Variants in C1QTNF7 observed in about 807,000 individuals in gnomAD.
C1QTNF7 encodes the protein complement C1q tumor necrosis factor-related protein 7.
A neutral mutation model predicts 19.6 loss-of-function variants in C1QTNF7; 15 were observed. The observed-to-expected ratio is 0.76, with a 90% confidence interval of 0.51 to 1.18. The LOEUF (loss-of-function observed/expected upper bound fraction) is 1.18. Ranked by LOEUF, C1QTNF7 falls within the 50% of genes most tolerant of loss-of-function variation. C1QTNF7 has a pLI of 0.00. For missense variants in C1QTNF7, 324 were observed against 359.7 expected (o/e 0.90, Z 0.80); for synonymous variants, 142 against 137.5 (o/e 1.03, Z -0.23).
chr4:15,341,040 T>C (rs1326602621), intron 1 of C1QTNF7, among the ~76,000 whole-genome samples: 1 of 152,234 alleles, frequency 6.6e-6, no homozygotes. Context: ...AGTGTTCCCA[T>C]CTGTCTGAGG....
intron 1 of C1QTNF7, among the ~76,000 whole-genome samples, chr4:15,410,045 T>C (rs1719349361): frequency 6.6e-6 from 1 of 152,326 alleles, no homozygotes; most frequent in Non-Finnish European, 1.5e-5. Context: ...AAACAGTTTC[T>C]ACATACCCCA....
At chr4:15,413,418 C>A (rs950603097) in intron 1 of C1QTNF7, among the ~76,000 whole-genome samples, 1 of 152,190 alleles carries the variant, frequency 6.6e-6, no homozygotes, top group Non-Finnish European at 1.5e-5. Context: ...GGGGAATAAA[C>A]CCAACCACTT....
intron 1 of C1QTNF7, among the ~76,000 whole-genome samples, chr4:15,364,777 G>C (rs1427065448): frequency 6.6e-6 from 1 of 152,110 alleles, no homozygotes; most frequent in Non-Finnish European, 1.5e-5. Flanking sequence ...TGCATCAGTG[G>C]GCAAGCACAT....
At chr4:15,359,752 T>C (rs1577233988) in intron 1 of C1QTNF7, among the ~76,000 whole-genome samples, 2 of 152,186 alleles carry the variant, frequency 1.3e-5, no homozygotes, top group African/African-American at 2.4e-5. Context: ...TTGAGAACTC[T>C]TGATGACCAG....
intron 1 of C1QTNF7, among the ~76,000 whole-genome samples, chr4:15,348,992 C>T (rs1387734202): frequency 6.6e-6 from 1 of 152,174 alleles, no homozygotes; most frequent in Non-Finnish European, 1.5e-5. Context: ...CCTCCCAACA[C>T]CCCTAGAAGG....
chr4:15,355,588 CA>C (rs966168522), intron 1 of C1QTNF7, among the ~76,000 whole-genome samples: 83 of 144,636 alleles, frequency 5.7e-4, no homozygotes, highest in Non-Finnish European at 7.6e-4. Context: ...CTTTTCTCAT[CA>C]AAAAAAAAAA....
chr4:15,438,615 A>G lies in C1QTNF7; in HGVS notation c.238+2634A>G, dbSNP rs115913911. Among the ~76,000 whole-genome samples, 796 of 152,324 alleles carry G rather than the reference A, an allele frequency of 5.2e-3. 6 individuals are homozygous for G. Among genetic ancestry groups the G allele is most frequent in the Non-Finnish European group, 8.6e-3 (587 of 68,026 alleles). On this transcript the variant is annotated intron_variant, in intron 2 of 2. Coordinates refer to ENST00000444304, the MANE Select transcript of C1QTNF7 (RefSeq NM_031911.5). ...CCCTCACTGGTCTGTTGCAATTATT[A>G]CTGTAGCATAATATTAACATTTAAT...
chr4:15,439,493 G>A (rs1211639326), intron 2 of C1QTNF7, among the ~76,000 whole-genome samples: 2 of 152,164 alleles, frequency 1.3e-5, no homozygotes, highest in Non-Finnish European at 2.9e-5. Context: ...ATCCATGGCT[G>A]AACTGGGGTT....
In C1QTNF7 at chr4:15,363,708, A is replaced by G. The variant is rs548985013; in HGVS notation, c.13+23501A>G. On this transcript the variant is annotated intron_variant, in intron 1 of 2. Transcript: ENST00000295297. Reference sequence around the variant, plus strand: ...TCTGTTAACAAGAAATAATGGCAAAATGAACATTGGAAAGTAACTAACAGA... The same window carrying G: ...TCTGTTAACAAGAAATAATGGCAAAGTGAACATTGGAAAGTAACTAACAGA... Among the ~76,000 whole-genome samples, 19 of 152,318 alleles carry G rather than the reference A, an allele frequency of 1.2e-4. 1 individual carries two copies. The highest frequency in any genetic ancestry group is 6.8e-3 in the Middle Eastern group (2 of 294).
intron 1 of C1QTNF7, among the ~76,000 whole-genome samples, chr4:15,402,682 GC>G: frequency 6.6e-6 from 1 of 152,140 alleles, no homozygotes; most frequent in Non-Finnish European, 1.5e-5. Flanking sequence ...GTTTTAAAAA[GC>G]AAAATGACAC....
chr4:15,358,781 C>T (rs1442118276), intron 1 of C1QTNF7: 1 of 152,122 alleles, frequency 6.6e-6, no homozygotes, highest in Non-Finnish European at 1.5e-5. Flanking sequence ...TAAGTGCCTC[C>T]TAAAACGTGC....
intron 1 of C1QTNF7, chr4:15,362,515 G>A (rs991404690): frequency 1.3e-5 from 2 of 152,176 alleles, no homozygotes; most frequent in Non-Finnish European, 2.9e-5. Context: ...CATTTGTGTA[G>A]CTTTGTGTCT....
intron 1 of C1QTNF7, among the ~76,000 whole-genome samples, chr4:15,349,426 C>T (rs573744903): frequency 2.7e-4 from 41 of 152,206 alleles, no homozygotes; most frequent in African/African-American, 9.4e-4. Flanking sequence ...GTAGAAACTG[C>T]ATAAATTTCA....
In C1QTNF7 at chr4:15,344,220, T is replaced by C. The variant is rs183608800; in HGVS notation, c.13+4013T>C. On this transcript the variant is annotated intron_variant, in intron 1 of 2. Transcript: ENST00000295297. The stretch of plus-strand genomic sequence containing the variant: ...ATTGGAATCAGATCACAGAAAGCCT[T>C]GAATGCCAAACCACAAAGTTTAGAT... 2.0e-5 allele frequency among the ~76,000 whole-genome samples: 3 copies of C among 152,344 alleles called. No individual in the cohort carries two copies. The East Asian group carries it at 5.8e-4, about 29-fold the overall frequency.
At chr4:15,382,984 C>G (rs1013119035) in intron 1 of C1QTNF7, among the ~76,000 whole-genome samples, 7 of 152,144 alleles carry the variant, frequency 4.6e-5, no homozygotes, top group Admixed American at 1.3e-4. Context: ...AAAATCCCTG[C>G]CCTCTTACAG....
intron 1 of C1QTNF7, among the ~76,000 whole-genome samples, chr4:15,395,906 T>C (rs542329024): frequency 1.3e-5 from 2 of 152,316 alleles, no homozygotes; most frequent in Admixed American, 6.5e-5. Context: ...TCAGTCTTTT[T>C]GACTCCAAAG....
intron 1 of C1QTNF7, among the ~76,000 whole-genome samples, chr4:15,377,071 A>G (rs563197405): frequency 2.6e-5 from 4 of 152,228 alleles, no homozygotes; most frequent in Non-Finnish European, 5.9e-5. Flanking sequence ...AATCTCTTTA[A>G]TTAAAGTAGG....
chr4:15,365,085 A>C (rs1717467838), intron 1 of C1QTNF7, among the ~76,000 whole-genome samples: 1 of 152,108 alleles, frequency 6.6e-6, no homozygotes, highest in Non-Finnish European at 1.5e-5. Flanking sequence ...CGTGTGTCTG[A>C]CTTCTGTTCA....
chr4:15,341,925 C>T (rs1198123836), intron 1 of C1QTNF7, among the ~76,000 whole-genome samples: 2 of 152,236 alleles, frequency 1.3e-5, no homozygotes, highest in African/African-American at 4.8e-5. Context: ...AACTTCCTCA[C>T]GGGCTCCAAT....
Sources: gnomAD v4.1 joint callset for allele counts (sites outside exome capture counted in the v4.1 genomes callset) on GRCh38, gnomAD v4.1.1 for gene constraint, MANE v1.5 for transcripts, NCBI Gene and HGNC (gene_info 2026-07-23, HGNC 2026-07-21) for gene names.